Variants in CADPS observed in about 807,000 individuals in gnomAD.
CADPS encodes calcium-dependent secretion activator 1.
In CADPS, 57 loss-of-function variants were observed where a neutral mutation model predicts 167.3. That is an observed-to-expected ratio of 0.34 (90% CI 0.28 to 0.42). CADPS has a LOEUF of 0.42. Ranked by LOEUF, CADPS falls within the 20% of genes least tolerant of loss-of-function variation. The pLI is 1.00. For missense variants in CADPS, 1,414 were observed against 1,738.1 expected (o/e 0.81, Z 3.32); for synonymous variants, 676 against 635.3 (o/e 1.06, Z -0.96).
intron 3 of CADPS, among the ~76,000 whole-genome samples, chr3:62,692,803 A>G (rs1009145120): frequency 3.3e-5 from 5 of 151,980 alleles, no homozygotes; most frequent in African/African-American, 1.2e-4. Flanking sequence ...TTAAATTAGG[A>G]TCAGTTTGAA....
At chr3:62,423,822 G>T (rs1210831565) in intron 28 of CADPS, among the ~76,000 whole-genome samples, 2 of 152,100 alleles carry the variant, frequency 1.3e-5, no homozygotes, top group East Asian at 3.9e-4. Flanking sequence ...TATATCCTAG[G>T]GCTGCTAAGA....
At chr3:62,639,121 G>A (rs548576318) in intron 6 of CADPS, among the ~76,000 whole-genome samples, 2 of 152,234 alleles carry the variant, frequency 1.3e-5, no homozygotes, top group South Asian at 4.1e-4. Flanking sequence ...TGGTCTGAGA[G>A]GCAGTACAGT....
intron 3 of CADPS, among the ~76,000 whole-genome samples, chr3:62,681,931 T>C (rs1366650130): frequency 6.6e-6 from 1 of 152,108 alleles, no homozygotes; most frequent in East Asian, 1.9e-4. Context: ...AGGCCTTTTG[T>C]TCTCCAGAGG....
intron 1 of CADPS, among the ~76,000 whole-genome samples, chr3:62,773,708 T>C (rs2089524191): frequency 6.6e-6 from 1 of 152,162 alleles, no homozygotes. Flanking sequence ...GTAGTAGCTA[T>C]TGTTAAATTA....
At chr3:62,408,370 G>A (rs1453965150) in intron 28 of CADPS, among the ~76,000 whole-genome samples, 1 of 151,964 alleles carries the variant, frequency 6.6e-6, no homozygotes, top group Non-Finnish European at 1.5e-5. Context: ...TATTTATCTT[G>A]GTTACTATAT....
In CADPS at chr3:62,557,417, C is replaced by T. The variant is rs1439217349; in HGVS notation, c.1741G>A (p.Asp581Asn). Residue 581 changes from aspartate (D) to asparagine (N), a missense_variant, in exon 10 of 30, where the codon GAC (aspartate) becomes AAC (asparagine). By Grantham distance (23) the Asp-to-Asn change is conservative (BLOSUM62 1). Transcript: ENST00000383710. Reference protein sequence around the residue: ...QLDGYTVDYTDPQPGLEGGRA... With the variant: ...QLDGYTVDYTNPQPGLEGGRA... ...GGTCGGTGGGTACCTGGCTGGGGGT[C>T]GGTGTAATCCACAGTGTAGCCATCC... is the stretch of plus-strand genomic sequence containing the variant. 4.3e-6 allele frequency: 7 copies of T among 1,612,972 alleles called. No individual in the cohort carries two copies. The highest frequency in any genetic ancestry group is 5.1e-6 in the Non-Finnish European group (6 of 1,179,194).
intron 1 of CADPS, among the ~76,000 whole-genome samples, chr3:62,796,713 C>T (rs78631968): frequency 0.069 from 10,483 of 152,146 alleles, 560 homozygotes; most frequent in East Asian, 0.22. Flanking sequence ...CTTAAATGAC[C>T]TGCATAAATA....
chr3:62,724,883 C>T (rs965457510), intron 3 of CADPS, among the ~76,000 whole-genome samples: 1 of 152,246 alleles, frequency 6.6e-6, no homozygotes, highest in East Asian at 1.9e-4. Flanking sequence ...AGCTTAAACA[C>T]ACTTGGGGAA....
intron 6 of CADPS, chr3:62,625,738 C>A (rs2063954609): frequency 6.6e-6 from 1 of 150,934 alleles, no homozygotes; most frequent in Admixed American, 6.6e-5. Flanking sequence ...CCTTGCCACC[C>A]TTTCTGTACT....
chr3:62,474,801 C>T (rs2061060908), intron 23 of CADPS, among the ~76,000 whole-genome samples: 1 of 152,118 alleles, frequency 6.6e-6, no homozygotes, highest in Non-Finnish European at 1.5e-5. Flanking sequence ...TTATTTTCCC[C>T]TTTCTGGTTT....
chr3:62,758,624 T>C (rs1476793916), intron 2 of CADPS, among the ~76,000 whole-genome samples: 6 of 152,232 alleles, frequency 3.9e-5, no homozygotes, highest in African/African-American at 1.4e-4. Flanking sequence ...TGTTTGTTTC[T>C]GTTTTTGCTT....
chr3:62,789,355 C>A (rs1036601755), intron 1 of CADPS, among the ~76,000 whole-genome samples: 41 of 152,144 alleles, frequency 2.7e-4, no homozygotes, highest in African/African-American at 9.6e-4. Context: ...AAGTTCCAAC[C>A]TAAAGCCAAT....
chr3:62,753,800 C>G lies in CADPS; in HGVS notation c.556-27G>C, dbSNP rs2083244090. The G allele has an allele frequency of 6.3e-7, 1 of 1,589,078 alleles. No homozygotes were observed. Among genetic ancestry groups the G allele is most frequent in the Non-Finnish European group, 8.6e-7 (1 of 1,165,640 alleles). ...TGAGCAAGAACAAGGCCAGGAAAGA[C>G]AGTAGGAGAGTTTACCACAGAGGTA... On this transcript the variant is annotated intron_variant, in intron 2 of 29. Transcript: ENST00000383710. The surrounding 1 kb of genome is among the most constrained non-coding windows in gnomAD (Gnocchi z 4.6).
chr3:62,714,660 A>G (rs1485305202), intron 3 of CADPS, among the ~76,000 whole-genome samples: 1 of 152,182 alleles, frequency 6.6e-6, no homozygotes, highest in Non-Finnish European at 1.5e-5. Flanking sequence ...AAGAAACACT[A>G]TTTGGCAAAA....
Position 62,421,329 on chromosome 3 carries a change from T to C in CADPS, c.3777+16775A>G, listed in dbSNP as rs2149425703. 6.6e-6 allele frequency among the ~76,000 whole-genome samples: 1 copy of C among 151,480 alleles called. No individual in the cohort carries two copies. Among genetic ancestry groups the C allele is most frequent in the South Asian group, 2.1e-4 (1 of 4,774 alleles). On this transcript the variant is annotated intron_variant, in intron 28 of 29. Transcript: ENST00000383710. This position sits in a 1 kb window ranked among gnomAD's most constrained non-coding sequence, Gnocchi z 4.7. Reference sequence around the variant, plus strand: ...AGAGTGAATGAAATTGAATAAGCTCTCAGTACTTGAGGCGCACAGCGAGCG... The same window carrying C: ...AGAGTGAATGAAATTGAATAAGCTCCCAGTACTTGAGGCGCACAGCGAGCG...
At chr3:62,551,833 C>T (rs1280828521) in intron 10 of CADPS, among the ~76,000 whole-genome samples, 1 of 152,168 alleles carries the variant, frequency 6.6e-6, no homozygotes, top group Non-Finnish European at 1.5e-5. Context: ...GATTCACACT[C>T]TTATCTCCTT....
intron 8 of CADPS, among the ~76,000 whole-genome samples, chr3:62,578,923 G>A (rs2082853357): frequency 6.6e-6 from 1 of 152,136 alleles, no homozygotes; most frequent in South Asian, 2.1e-4. Flanking sequence ...GTACCAAAAA[G>A]CATGGTGTCT....
At chr3:62,697,579 G>A (rs916420818) in intron 3 of CADPS, among the ~76,000 whole-genome samples, 3 of 152,096 alleles carry the variant, frequency 2.0e-5, no homozygotes, top group South Asian at 4.1e-4. Flanking sequence ...GTGTGCAAGC[G>A]TCTTTTTTGT....
At chr3:62,703,906 G>A (rs1199858404) in intron 3 of CADPS, among the ~76,000 whole-genome samples, 3 of 152,154 alleles carry the variant, frequency 2.0e-5, no homozygotes, top group Non-Finnish European at 4.4e-5. Context: ...TCCTCTGAAA[G>A]TTCCCTCATC....
Sources: allele counts gnomAD v4.1 joint callset (sites outside exome capture counted in the v4.1 genomes callset), GRCh38; gene constraint gnomAD v4.1.1; non-coding constraint Gnocchi (gnomAD v3.1); transcripts MANE v1.5; gene names NCBI Gene and HGNC (gene_info 2026-07-23, HGNC 2026-07-21).